DAAM1: variants seen among roughly 807,000 people sequenced by gnomAD.
DAAM1 encodes the protein disheveled-associated activator of morphogenesis 1.
A neutral mutation model predicts 130.0 loss-of-function variants in DAAM1; 52 were observed. That is an observed-to-expected ratio of 0.40 (90% CI 0.32 to 0.50). The LOEUF is 0.50. DAAM1 is among the 20% of genes least tolerant of loss of function. The pLI is 0.61. For synonymous variants in DAAM1, 452 were observed against 444.5 expected (o/e 1.02, Z -0.21); for missense variants, 1,134 against 1,303.8 (o/e 0.87, Z 2.01).
chr14:59,349,207 T>C (rs1020043293), intron 17 of DAAM1, among the ~76,000 whole-genome samples: 1 of 152,238 alleles, frequency 6.6e-6, no homozygotes, highest in African/African-American at 2.4e-5. Flanking sequence ...TGAAGGACTA[T>C]GTGTAAAGCC....
In DAAM1 at chr14:59,326,890, T is replaced by A. The variant is rs376590834; in HGVS notation, c.1314-43T>A. The A allele has an allele frequency of 4.0e-5, 64 of 1,610,348 alleles. No homozygotes were observed. In the East Asian group the frequency reaches 6.3e-4, roughly 16 times the overall value. ...GGGAGAATGCAGTTAGCAGTGGACC[T>A]TTTATATTTTTTGTAATAAATGCTC... On this transcript the variant is annotated intron_variant, in intron 11 of 24. Coordinates refer to ENST00000360909, the MANE Select transcript of DAAM1 (RefSeq NM_001270520.2).
In DAAM1 at chr14:59,369,603, AAC is replaced by A. The variant is rs1388870680; in HGVS notation, c.*747_*748del. 1 of 146,770 alleles carries A rather than the reference AAC, an allele frequency of 6.8e-6. No homozygotes were observed. The highest frequency in any genetic ancestry group is 1.5e-5 in the Non-Finnish European group (1 of 66,006). The allele number at this position is 146,770 out of a possible 1,614,324, so 9.1% of individuals were successfully genotyped here. A position where few individuals can be genotyped will look rare whatever the true frequency, so the allele number is the denominator to read the frequency against. ...TAATTTCTTCAGATTTTTGGAAAAA[AAC>A]ACTATATAAATGCAATCCATGCTTT... is the stretch of plus-strand genomic sequence containing the variant. On this transcript the variant is annotated 3_prime_UTR_variant, in exon 25 of 25. Transcript: ENST00000360909.
In DAAM1 at chr14:59,359,384, T is replaced by C. The variant is rs1384545297; in HGVS notation, c.2526-13T>C. ...ATTTGAATGTTTAATACTCTTCCCT[T>C]CTTCAATTGTAGAAACATTACCCTT... On this transcript the variant is annotated splice_polypyrimidine_tract_variant and intron_variant, in intron 20 of 24. Transcript: ENST00000360909. The C allele has an allele frequency of 6.4e-7, 1 of 1,572,534 alleles. No individual in the cohort carries two copies. Among genetic ancestry groups the C allele is most frequent in the Admixed American group, 1.7e-5 (1 of 59,446 alleles).
At chr14:59,299,883 C>T (rs1489996099) in intron 3 of DAAM1, 1 of 151,996 alleles carries the variant, frequency 6.6e-6, no homozygotes, top group Non-Finnish European at 1.5e-5. Flanking sequence ...CACTTTTTTT[C>T]CTCTTAGCCA....
At chr14:59,257,986 C>T (rs547242530) in intron 1 of DAAM1, among the ~76,000 whole-genome samples, 3 of 152,308 alleles carry the variant, frequency 2.0e-5, no homozygotes, top group Admixed American at 2.0e-4. Flanking sequence ...GCCCTCCCAC[C>T]ACTACCACCA....
At chr14:59,256,287 C>T (rs2139491360) in intron 1 of DAAM1, among the ~76,000 whole-genome samples, 1 of 152,226 alleles carries the variant, frequency 6.6e-6, no homozygotes, top group East Asian at 1.9e-4. Flanking sequence ...GGTTGTTCTC[C>T]AATGTTTTAT....
intron 23 of DAAM1, 108 bp from the exon 24 acceptor site, chr14:59,367,321 C>G: frequency 6.8e-7 from 1 of 1,461,694 alleles, no homozygotes; most frequent in Non-Finnish European, 9.0e-7. Context: ...AATGAGCAAA[C>G]AAAACTTACG....
chr14:59,322,842 A>T (rs376496086), intron 5 of DAAM1, 50 bp from the exon 6 acceptor site: 3 of 1,458,516 alleles, frequency 2.1e-6, no homozygotes, highest in Non-Finnish European at 2.8e-6. Flanking sequence ...GTTAGGGGCT[A>T]TTATAAAACC....
chr14:59,299,267 A>C (rs1884079075), intron 3 of DAAM1, among the ~76,000 whole-genome samples: 1 of 152,266 alleles, frequency 6.6e-6, no homozygotes, highest in Non-Finnish European at 1.5e-5. Flanking sequence ...GTTAAAAGCC[A>C]TCTAAAAGGT....
intron 1 of DAAM1, among the ~76,000 whole-genome samples, chr14:59,204,081 T>A (rs1016789315): frequency 6.6e-6 from 1 of 152,240 alleles, no homozygotes; most frequent in African/African-American, 2.4e-5. Context: ...TGTGGTGTTA[T>A]TTGGTTATAA....
intron 1 of DAAM1, among the ~76,000 whole-genome samples, chr14:59,197,155 C>T (rs886806306): frequency 3.9e-5 from 6 of 152,176 alleles, no homozygotes; most frequent in Admixed American, 1.3e-4. Context: ...CTCCTGACCT[C>T]GTGATCCGCC....
chr14:59,244,369 C>T (rs2139468189), intron 1 of DAAM1, among the ~76,000 whole-genome samples: 1 of 151,996 alleles, frequency 6.6e-6, no homozygotes, highest in East Asian at 1.9e-4. Flanking sequence ...GATGGAAAAA[C>T]AGACCACCCC....
chr14:59,299,276 G>A lies in DAAM1; in HGVS notation c.273+7970G>A, dbSNP rs149523848. 5.3e-5 allele frequency among the ~76,000 whole-genome samples: 8 copies of A among 152,292 alleles called. No homozygotes were observed. The East Asian group carries it at 1.5e-3, about 29-fold the overall frequency. On this transcript the variant is annotated intron_variant, in intron 3 of 24. Coordinates refer to ENST00000360909, the MANE Select transcript of DAAM1 (RefSeq NM_001270520.2). ...TGCATAGTTAAAAGCCATCTAAAAG[G>A]TAATCTTAGAAGGGAGGATACCATT... is the stretch of plus-strand genomic sequence containing the variant.
chr14:59,347,029 T>C (rs867546973), intron 16 of DAAM1, among the ~76,000 whole-genome samples: 21 of 151,888 alleles, frequency 1.4e-4, no homozygotes, highest in African/African-American at 4.8e-4. Context: ...CTCCATCTAT[T>C]AAAAAAAAGC....
intron 17 of DAAM1, among the ~76,000 whole-genome samples, chr14:59,349,584 G>C (rs1171259973): frequency 1.3e-5 from 2 of 152,202 alleles, no homozygotes. Flanking sequence ...GTTGATGCCA[G>C]CATTTCCTTA....
chr14:59,369,250 C>A lies in DAAM1; in HGVS notation c.*391C>A, dbSNP rs74057123. The A allele has an allele frequency of 0.25, 37,766 of 149,936 alleles. 5,996 individuals are homozygous for A. Among genetic ancestry groups the A allele is most frequent in the African/African-American group, 0.46 (18,997 of 41,022 alleles). The allele number at this position is 149,936 out of a possible 1,614,324, so 9.3% of individuals were successfully genotyped here. ...AAAACAGAAGAAACAAACAAACAAA[C>A]AAAAAAAGCTTGCAAAATATTTTAT... On this transcript the variant is annotated 3_prime_UTR_variant, in exon 25 of 25. Transcript: ENST00000360909.
intron 2 of DAAM1, among the ~76,000 whole-genome samples, chr14:59,279,359 T>A (rs1282794419): frequency 6.6e-6 from 1 of 152,216 alleles, no homozygotes; most frequent in African/African-American, 2.4e-5. Context: ...TAGAATTTAA[T>A]TACCAAAATG....
chr14:59,201,618 C>T lies in DAAM1; in HGVS notation c.-38+12850C>T, dbSNP rs137861947. Reference sequence around the variant, plus strand: ...GCGACAGAATGAGACTCCATCTCCACGCCCTGCCTCACCCCCCTTCTAAAA... The same window carrying T: ...GCGACAGAATGAGACTCCATCTCCATGCCCTGCCTCACCCCCCTTCTAAAA... On this transcript the variant is annotated intron_variant, in intron 1 of 24. Transcript: ENST00000360909. Among the ~76,000 whole-genome samples the T allele has an allele frequency of 3.4e-3, 511 of 152,050 alleles. 6 individuals are homozygous for T. Among genetic ancestry groups the T allele is most frequent in the Non-Finnish European group, 1.7e-3 (113 of 67,972 alleles).
chr14:59,291,164 C>T, intron 2 of DAAM1, 53 bp from the exon 3 acceptor site: 1 of 1,433,486 alleles, frequency 7.0e-7, no homozygotes, highest in Non-Finnish European at 9.5e-7. Context: ...ATAACGTTCT[C>T]TACAGGAATA....
Sources: allele counts gnomAD v4.1 joint callset (sites outside exome capture counted in the v4.1 genomes callset), GRCh38; gene constraint gnomAD v4.1.1; transcripts MANE v1.5; gene names NCBI Gene and HGNC (gene_info 2026-07-23, HGNC 2026-07-21).